The following NLRP5 variants were observed in gnomAD, a reference collection of about 807,000 sequenced individuals.
NLRP5 encodes the protein NACHT, LRR and PYD domains-containing protein 5.
A neutral mutation model predicts 113.1 loss-of-function variants in NLRP5; 93 were observed. The ratio of observed to expected loss-of-function variants is 0.82; its 90% CI spans 0.70 to 0.98. NLRP5 has a LOEUF of 0.98. NLRP5 is among the 50% of genes least tolerant of loss of function. The pLI is 0.00. For missense variants in NLRP5, 1,808 were observed against 1,514.3 expected, an observed-to-expected ratio of 1.19 and a Z score of -3.22; for synonymous variants, 751 against 600.7, an observed-to-expected ratio of 1.25 and a Z score of -3.66.
chr19:56,053,586 G>A (rs940377096), intron 12 of NLRP5, 52 bp from the exon 13 acceptor site: 18 of 1,532,718 alleles, frequency 1.2e-5, no homozygotes, highest in Non-Finnish European at 1.4e-5. Context: ...TTCTCCCGCT[G>A]TTCCACTTTC....
At chr19:56,059,212 C>G (rs1431263030) in intron 14 of NLRP5, among the ~76,000 whole-genome samples, 1 of 152,226 alleles carries the variant, frequency 6.6e-6, no homozygotes, top group Non-Finnish European at 1.5e-5. Flanking sequence ...TCACACACAT[C>G]ATTTCAGCTT....
chr19:56,002,180 G>A (rs146016229), intron 1 of NLRP5, among the ~76,000 whole-genome samples: 42 of 152,320 alleles, frequency 2.8e-4, no homozygotes, highest in African/African-American at 9.1e-4. Flanking sequence ...ATCTTTTCAT[G>A]TGCTCATTAG....
chr19:56,009,000 T>C, intron 3 of NLRP5, 147 bp downstream of exon 3: 1 of 723,016 alleles, frequency 1.4e-6, no homozygotes, highest in Non-Finnish European at 2.4e-6. Context: ...GGATGGGTTC[T>C]GAGGATCTGG....
rs373057643 is a variant in NLRP5, at chr19:56,058,471, T to G, written c.3470+61T>G. Reference sequence around the variant, plus strand: ...CTGCTTCTGTTCCAGGCTTGTTAGCTGGTGGAGAAGCAGTTTATGGGAAAA... The same window carrying G: ...CTGCTTCTGTTCCAGGCTTGTTAGCGGGTGGAGAAGCAGTTTATGGGAAAA... On this transcript the variant is annotated intron_variant, in intron 14 of 14. Coordinates refer to ENST00000390649, the MANE Select transcript of NLRP5 (RefSeq NM_153447.4). 1,233 of 1,471,082 alleles carry G rather than the reference T, an allele frequency of 8.4e-4. 14 individuals are homozygous for G. In the South Asian group the frequency reaches 0.014, roughly 17 times the overall value. 91.1% of individuals were successfully genotyped at this position (1,471,082 alleles called of 1,614,324 possible).
intron 3 of NLRP5, among the ~76,000 whole-genome samples, chr19:56,010,375 C>T (rs1384358802): frequency 6.6e-6 from 1 of 152,104 alleles, no homozygotes; most frequent in African/African-American, 2.4e-5. Flanking sequence ...GAGACAGACA[C>T]TCTACCCTCA....
At chr19:56,050,315 C>T in intron 11 of NLRP5, 103 bp from the exon 12 acceptor site, 4 of 1,105,416 alleles carry the variant, frequency 3.6e-6, no homozygotes, top group Non-Finnish European at 5.2e-6. Context: ...TGACCCCACC[C>T]TACACAGAAG....
At chr19:56,054,408 A>C (rs1165220826) in intron 13 of NLRP5, among the ~76,000 whole-genome samples, 2 of 152,004 alleles carry the variant, frequency 1.3e-5, no homozygotes, top group Admixed American at 6.6e-5. Flanking sequence ...AAATACAAAA[A>C]TTAGCCAGGT....
At chr19:55,998,420 G>A (rs771841297), upstream of NLRP5, among the ~76,000 whole-genome samples, 1 of 152,036 alleles carries the variant, frequency 6.6e-6, no homozygotes, top group African/African-American at 2.4e-5. Flanking sequence ...TTGGGAGGCC[G>A]AGGCGGGTGG....
At chr19:56,009,358 A>AAAAAAAAAAAAG (rs1271381720) in intron 3 of NLRP5, among the ~76,000 whole-genome samples, 1 of 149,974 alleles carries the variant, frequency 6.7e-6, no homozygotes. Context: ...AAAAAAAAAA[A>AAAAAAAAAAAAG]AGAGTTCTGT....
intron 9 of NLRP5, among the ~76,000 whole-genome samples, chr19:56,034,934 G>C (rs1983257666): frequency 6.6e-6 from 1 of 152,044 alleles, no homozygotes; most frequent in Non-Finnish European, 1.5e-5. Context: ...ACTATTTAAT[G>C]TTTATATAGT....
the NLRP5 span, among the ~76,000 whole-genome samples, chr19:55,987,257 C>T: frequency 2.0e-5 from 3 of 152,186 alleles, no homozygotes; most frequent in African/African-American, 7.2e-5. Flanking sequence ...ATAATCCCAC[C>T]TTCTAGGGAG....
intron 2 of NLRP5, among the ~76,000 whole-genome samples, chr19:56,008,316 A>G (rs138053578): frequency 1.6e-3 from 249 of 152,188 alleles, no homozygotes; most frequent in African/African-American, 5.5e-3. Context: ...AACTGGGTGG[A>G]TGGGGTTCCA....
At chr19:55,990,445 C>G in the NLRP5 span, among the ~76,000 whole-genome samples, 1 of 152,048 alleles carries the variant, frequency 6.6e-6, no homozygotes, top group Non-Finnish European at 1.5e-5. Flanking sequence ...AATCCCAGCA[C>G]TTGGGGAGGC....
At position 56,038,210 on chromosome 19, in the gene NLRP5, C is replaced by T; in HGVS notation, c.2786+15C>T. The T allele has an allele frequency of 3.7e-6, 6 of 1,611,710 alleles. No individual in the cohort carries two copies. The highest frequency in any genetic ancestry group is 2.2e-5 in the South Asian group (2 of 90,956). Reference sequence around the variant, plus strand: ...CAGAAGCTGATGTGAGTGCCACTTCCTTTCCACCAGGATTATCGTAACTTC... The same window carrying T: ...CAGAAGCTGATGTGAGTGCCACTTCTTTTCCACCAGGATTATCGTAACTTC... On this transcript the variant is annotated intron_variant, in intron 10 of 14. Transcript: ENST00000390649.
intron 12 of NLRP5, among the ~76,000 whole-genome samples, chr19:56,053,050 T>C (rs887769212): frequency 2.6e-5 from 4 of 151,788 alleles, no homozygotes; most frequent in African/African-American, 9.7e-5. Context: ...TGAGCCGATA[T>C]CGTGCCATTG....
In NLRP5 at chr19:56,050,429, G is replaced by T. The variant is rs767632960; in HGVS notation, c.2969G>T (p.Cys990Phe). ...TGTGTGCCCCACAGGCTGAATCAGT[G>T]CCACCTGGACACGGCTGGCTGTGGT... The change falls in exon 12 of 15, where the codon TGC becomes TTC. Residue 990 changes from cysteine (C) to phenylalanine (F), a missense_variant. Cys to Phe is a radical substitution (Grantham distance 205). Transcript: ENST00000390649. 1 of 1,613,618 alleles carries T rather than the reference G, an allele frequency of 6.2e-7. No homozygotes were observed. The highest frequency in any genetic ancestry group is 8.5e-7 in the Non-Finnish European group (1 of 1,179,832).
At position 56,039,327 on chromosome 19, in the gene NLRP5, C is replaced by T. The variant is rs1242448162; in HGVS notation, c.2786+1132C>T. Among the ~76,000 whole-genome samples, 4 of 152,302 alleles carry T rather than the reference C, an allele frequency of 2.6e-5. No homozygotes were observed. The South Asian group carries it at 8.3e-4, about 32-fold the overall frequency. On this transcript the variant is annotated intron_variant, in intron 10 of 14. Transcript: ENST00000390649. ...TAAATGGGAAAGTCAGTTTCCTCAT[C>T]ACACTAGACCCATGTCAAGAGCTCA...
chr19:55,987,121 C>T, the NLRP5 span, among the ~76,000 whole-genome samples: 7 of 152,214 alleles, frequency 4.6e-5, no homozygotes, highest in African/African-American at 1.4e-4. Flanking sequence ...ATAATCCCAG[C>T]ACTTTGGGAG....
At chr19:56,047,082 A>G (rs151257165) in intron 11 of NLRP5, among the ~76,000 whole-genome samples, 2,753 of 152,112 alleles carry the variant, frequency 0.018, 80 homozygotes, top group African/African-American at 0.062. Context: ...CAGTGATGTC[A>G]GTTGTAGTAT....
Sources: gnomAD v4.1 joint callset for allele counts (sites outside exome capture counted in the v4.1 genomes callset) on GRCh38, gnomAD v4.1.1 for gene constraint, MANE v1.5 for transcripts, NCBI Gene and HGNC (gene_info 2026-07-23, HGNC 2026-07-21) for gene names.